Variants in RBMS3 observed in about 807,000 individuals in gnomAD.
RBMS3 encodes the protein RNA binding motif single stranded interacting protein 3, also known as RNA-binding motif, single-stranded-interacting protein 3.
A neutral mutation model predicts 66.8 loss-of-function variants in RBMS3; 27 were observed. The ratio of observed to expected loss-of-function variants is 0.40; its 90% CI spans 0.30 to 0.56. The LOEUF (loss-of-function observed/expected upper bound fraction) is 0.56, where lower values mean the gene tolerates loss of function less well. Ranked by LOEUF, RBMS3 falls within the 20% of genes least tolerant of loss-of-function variation. The probability of loss-of-function intolerance (pLI) is 0.40; values close to 1 mark genes in which losing one functional copy is unlikely to be tolerated. For missense variants in RBMS3, 513 were observed against 549.5 expected (o/e 0.93, Z 0.66); for synonymous variants, 188 against 183.0 (o/e 1.03, Z -0.22).
rs761115189 is a variant in RBMS3, at chr3:29,694,418, G to A, written c.400-45302G>A. On this transcript the variant is annotated intron_variant, in intron 4 of 14. Transcript: ENST00000383767. ...AAAGATAAACCTTTTACAATTGTTC[G>A]TCATAAGAGGAAATCTGCTTTAAAA... is the stretch of plus-strand genomic sequence containing the variant. Among the ~76,000 whole-genome samples the A allele has an allele frequency of 1.2e-4, 19 of 152,038 alleles. No individual in the cohort carries two copies. The East Asian group carries it at 1.5e-3, about 12-fold the overall frequency.
Position 29,469,638 on chromosome 3 carries a change from G to A in RBMS3, c.249-18803G>A, listed in dbSNP as rs574692541. On this transcript the variant is annotated intron_variant, in intron 2 of 14. Coordinates refer to ENST00000383767, the MANE Select transcript of RBMS3 (RefSeq NM_001003793.3). ...ATGTAAGCTATGGCTCATTTAAATA[G>A]ACAACTAACATGGGAAAAACTAAAC... 4.4e-4 allele frequency among the ~76,000 whole-genome samples: 67 copies of A among 150,692 alleles called. 2 individuals are homozygous for A. The South Asian group carries it at 0.014, about 31-fold the overall frequency.
intron 4 of RBMS3, among the ~76,000 whole-genome samples, chr3:29,694,861 TA>T (rs771474312): frequency 1.2e-4 from 18 of 147,226 alleles, no homozygotes; most frequent in East Asian, 6.0e-4. Flanking sequence ...AATTTTTTTT[TA>T]AAAAAAAAAT....
At chr3:29,293,701 C>T (rs1446046037) in intron 1 of RBMS3, among the ~76,000 whole-genome samples, 1 of 151,598 alleles carries the variant, frequency 6.6e-6, no homozygotes, top group African/African-American at 2.4e-5. Flanking sequence ...GATTGTCCTT[C>T]CTAGGGCTAA....
chr3:29,821,588 G>A (rs916804172), intron 6 of RBMS3, among the ~76,000 whole-genome samples: 2 of 152,124 alleles, frequency 1.3e-5, no homozygotes, highest in Non-Finnish European at 2.9e-5. Flanking sequence ...CACAAACTAA[G>A]CAAACTACCT....
intron 4 of RBMS3, among the ~76,000 whole-genome samples, chr3:29,655,777 C>T (rs1449525152): frequency 6.6e-6 from 1 of 151,758 alleles, no homozygotes; most frequent in Non-Finnish European, 1.5e-5. Flanking sequence ...TGAGATATTC[C>T]AGATGAAGGC....
intron 4 of RBMS3, among the ~76,000 whole-genome samples, chr3:29,675,122 C>G (rs1233955330): frequency 2.6e-5 from 4 of 152,134 alleles, no homozygotes; most frequent in Admixed American, 6.5e-5. Flanking sequence ...AATAATACCA[C>G]ACATCTACAA....
chr3:29,606,669 C>T (rs1371984358), intron 4 of RBMS3, among the ~76,000 whole-genome samples: 1 of 151,546 alleles, frequency 6.6e-6, no homozygotes, highest in East Asian at 1.9e-4. Context: ...CATAAGTGGA[C>T]ATGGGAAAAA....
intron 10 of RBMS3, among the ~76,000 whole-genome samples, chr3:29,923,143 G>A (rs1449277): frequency 0.95 from 143,945 of 152,254 alleles, 68,143 homozygotes; most frequent in East Asian, 1. Context: ...TTGTTTAGAG[G>A]CAGCCTACCT....
intron 6 of RBMS3, among the ~76,000 whole-genome samples, chr3:29,837,646 CATATATATATAATGAACAT>C (rs1158680105): frequency 3.8e-5 from 4 of 105,110 alleles, no homozygotes; most frequent in African/African-American, 9.8e-5. Flanking sequence ...ATATAATGAA[CATATATATATAATGAACAT>C]ATATATATAT....
intron 3 of RBMS3, among the ~76,000 whole-genome samples, chr3:29,581,131 A>C (rs914406932): frequency 5.9e-5 from 9 of 152,180 alleles, no homozygotes; most frequent in Non-Finnish European, 1.3e-4. Flanking sequence ...AATCTAAGGT[A>C]GACCATATGG....
chr3:29,563,115 T>G (rs779559492), intron 3 of RBMS3, among the ~76,000 whole-genome samples: 24 of 152,174 alleles, frequency 1.6e-4, no homozygotes, highest in Non-Finnish European at 3.1e-4. Flanking sequence ...TAGATAAACC[T>G]CTAGAATAGC....
intron 1 of RBMS3, among the ~76,000 whole-genome samples, chr3:29,381,230 T>A (rs2038751761): frequency 6.6e-6 from 1 of 152,198 alleles, no homozygotes; most frequent in African/African-American, 2.4e-5. Flanking sequence ...ATAGTCACTT[T>A]CCTGCAATCA....
intron 2 of RBMS3, among the ~76,000 whole-genome samples, chr3:29,472,857 A>C (rs957581780): frequency 6.6e-6 from 1 of 152,134 alleles, no homozygotes; most frequent in African/African-American, 2.4e-5. Context: ...AAGGGGTCCC[A>C]AGCGGTTGCC....
intron 3 of RBMS3, among the ~76,000 whole-genome samples, chr3:29,500,510 G>A (rs182412867): frequency 2.7e-5 from 4 of 150,608 alleles, no homozygotes; most frequent in Non-Finnish European, 5.9e-5. Flanking sequence ...TTTGGTCATC[G>A]ACAAAACTCA....
intron 4 of RBMS3, among the ~76,000 whole-genome samples, chr3:29,673,786 A>G (rs2051110160): frequency 6.6e-6 from 1 of 152,212 alleles, no homozygotes; most frequent in Non-Finnish European, 1.5e-5. Context: ...AAAAAAGTCC[A>G]GGACCAGACG....
At chr3:29,483,715 A>AT (rs955225185) in intron 2 of RBMS3, among the ~76,000 whole-genome samples, 6 of 152,136 alleles carry the variant, frequency 3.9e-5, no homozygotes, top group Admixed American at 2.6e-4. Flanking sequence ...AAAAAGACTC[A>AT]TTTTTTTAAC....
At chr3:29,499,804 G>A (rs1374823598) in intron 3 of RBMS3, among the ~76,000 whole-genome samples, 1 of 152,166 alleles carries the variant, frequency 6.6e-6, no homozygotes, top group Non-Finnish European at 1.5e-5. Context: ...AGATATCACA[G>A]CTGTTCATAT....
At chr3:29,896,688 G>T (rs533588565) in intron 8 of RBMS3, among the ~76,000 whole-genome samples, 1 of 151,646 alleles carries the variant, frequency 6.6e-6, no homozygotes, top group South Asian at 2.1e-4. Context: ...AGATCTCCAG[G>T]AGAATCATCC....
At chr3:29,702,500 G>A (rs2052660223) in intron 4 of RBMS3, among the ~76,000 whole-genome samples, 3 of 152,166 alleles carry the variant, frequency 2.0e-5, no homozygotes, top group Non-Finnish European at 1.5e-5. Context: ...CTTTCACTCT[G>A]TGGAAGCTTT....
Sources: allele counts gnomAD v4.1 joint callset (sites outside exome capture counted in the v4.1 genomes callset), GRCh38; gene constraint gnomAD v4.1.1; transcripts MANE v1.5; gene names NCBI Gene and HGNC (gene_info 2026-07-23, HGNC 2026-07-21).